POFUT3: variants seen among roughly 807,000 people sequenced by gnomAD.
POFUT3 encodes GDP-fucose protein O-fucosyltransferase 3.
the POFUT3 span, among the ~76,000 whole-genome samples, chr8:33,322,841 A>G: frequency 6.6e-6 from 1 of 152,188 alleles, no homozygotes; most frequent in Non-Finnish European, 1.5e-5. Flanking sequence ...TGTCTCGCAG[A>G]CATGCTTGGC....
the POFUT3 span, among the ~76,000 whole-genome samples, chr8:33,459,846 C>A: frequency 6.6e-6 from 1 of 152,076 alleles, no homozygotes; most frequent in East Asian, 1.9e-4. Context: ...ACTGCTTGAG[C>A]CCAGGAGTTC....
chr8:33,393,126 A>G, the POFUT3 span, among the ~76,000 whole-genome samples: 3 of 152,218 alleles, frequency 2.0e-5, no homozygotes, highest in Non-Finnish European at 4.4e-5. Flanking sequence ...TGAGTTATTT[A>G]GCTCTCCCCA....
At chr8:33,338,437 A>G in the POFUT3 span, among the ~76,000 whole-genome samples, 1 of 152,208 alleles carries the variant, frequency 6.6e-6, no homozygotes, top group Non-Finnish European at 1.5e-5. Context: ...AGACAAAGAC[A>G]TTATAGATAA....
chr8:33,308,475 AT>A, the POFUT3 span, among the ~76,000 whole-genome samples: 1 of 152,146 alleles, frequency 6.6e-6, no homozygotes, highest in Non-Finnish European at 1.5e-5. Context: ...TAGGAACTGG[AT>A]GATCTGCAAG....
the POFUT3 span, among the ~76,000 whole-genome samples, chr8:33,403,271 C>CGTGTGT: frequency 1.4e-3 from 211 of 147,532 alleles, no homozygotes; most frequent in South Asian, 3.8e-3. Context: ...ATGGTGTGTG[C>CGTGTGT]GTGTGTGTGT....
At chr8:33,399,190 T>A in the POFUT3 span, among the ~76,000 whole-genome samples, 2 of 152,374 alleles carry the variant, frequency 1.3e-5, no homozygotes, top group South Asian at 4.1e-4. Context: ...AGGCTATGTA[T>A]TCTGTACTGT....
the POFUT3 span, among the ~76,000 whole-genome samples, chr8:33,377,762 C>T: frequency 5.3e-4 from 81 of 152,276 alleles, 1 homozygote; most frequent in East Asian, 4.2e-3. Flanking sequence ...GAAAAACCAG[C>T]TGTTTCTAAA....
chr8:33,331,199 G>T, the POFUT3 span, among the ~76,000 whole-genome samples: 1 of 79,008 alleles, frequency 1.3e-5, no homozygotes, highest in African/African-American at 6.2e-5. Context: ...AAAATTAACC[G>T]GGCGCGCGCC....
At chr8:33,457,230 C>T in the POFUT3 span, among the ~76,000 whole-genome samples, 1 of 152,188 alleles carries the variant, frequency 6.6e-6, no homozygotes, top group African/African-American at 2.4e-5. Context: ...GGTGGATCAC[C>T]TGAGGTCAGG....
chr8:33,461,657 A>G, the POFUT3 span: 5 of 1,520,012 alleles, frequency 3.3e-6, no homozygotes, highest in African/African-American at 4.1e-5. Flanking sequence ...AGGAAGCAGC[A>G]TGCAGTCTTC....
the POFUT3 span, among the ~76,000 whole-genome samples, chr8:33,328,850 T>C: frequency 6.6e-6 from 1 of 152,010 alleles, no homozygotes; most frequent in Non-Finnish European, 1.5e-5. Context: ...CCCACAAAGA[T>C]ATGGGGGCAA....
chr8:33,313,798 CTCT>C, the POFUT3 span, among the ~76,000 whole-genome samples: 1 of 152,150 alleles, frequency 6.6e-6, no homozygotes, highest in Admixed American at 6.5e-5. Flanking sequence ...GCCCATTTTT[CTCT>C]TCTTTTTTTA....
At chr8:33,460,585 G>T in the POFUT3 span, 4 of 219,086 alleles carry the variant, frequency 1.8e-5, no homozygotes, top group Non-Finnish European at 3.1e-5. Context: ...CTCCAAGAAC[G>T]CAATCTTTCA....
At chr8:33,318,157 C>T in the POFUT3 span, among the ~76,000 whole-genome samples, 17 of 152,066 alleles carry the variant, frequency 1.1e-4, no homozygotes, top group African/African-American at 4.1e-4. Context: ...TCTGAGTCCA[C>T]ATGTAAGAAT....
chr8:33,355,662 T>C, the POFUT3 span, among the ~76,000 whole-genome samples: 1 of 142,898 alleles, frequency 7.0e-6, no homozygotes, highest in Non-Finnish European at 1.5e-5. Flanking sequence ...AACACATTTA[T>C]TTTTTTTTTG....
At chr8:33,316,278 A>G in the POFUT3 span, among the ~76,000 whole-genome samples, 1 of 152,100 alleles carries the variant, frequency 6.6e-6, no homozygotes, top group Non-Finnish European at 1.5e-5. Context: ...TTCTCTATGC[A>G]AGGCCAGTTC....
chr8:33,340,700 A>C, the POFUT3 span, among the ~76,000 whole-genome samples: 34,236 of 152,096 alleles, frequency 0.23, 4,216 homozygotes, highest in South Asian at 0.5. Context: ...AGATAGGGAC[A>C]TTACAGAAAG....
the POFUT3 span, among the ~76,000 whole-genome samples, chr8:33,422,131 G>C: frequency 2.0e-5 from 3 of 151,664 alleles, no homozygotes; most frequent in African/African-American, 7.3e-5. Flanking sequence ...TTTACTTTTT[G>C]ATAAAATCAC....
the POFUT3 span, among the ~76,000 whole-genome samples, chr8:33,468,795 T>C: frequency 1.3e-5 from 2 of 152,130 alleles, no homozygotes; most frequent in African/African-American, 4.8e-5. Flanking sequence ...TGGATATCTC[T>C]CCTGATTAAA....
Sources: gnomAD v4.1 joint callset for allele counts (sites outside exome capture counted in the v4.1 genomes callset) on GRCh38, gnomAD v4.1.1 for gene constraint, MANE v1.5 for transcripts, NCBI Gene and HGNC (gene_info 2026-07-23, HGNC 2026-07-21) for gene names.